Variants in CCDC148 observed in about 807,000 individuals in gnomAD.
The protein encoded by CCDC148 is coiled-coil domain-containing protein 148.
A neutral mutation model predicts 85.7 loss-of-function variants in CCDC148; 89 were observed. The observed-to-expected ratio is 1.04, with a 90% CI of 0.87 to 1.24. CCDC148 has a LOEUF of 1.24. CCDC148 is among the 50% of genes most tolerant of loss of function. The pLI, the probability that CCDC148 is intolerant of heterozygous loss-of-function variation, is 0.00. For missense variants in CCDC148, 692 were observed against 671.7 expected (o/e 1.03, Z -0.33); for synonymous variants, 230 against 213.9 (o/e 1.08, Z -0.66).
Position 158,454,556 on chromosome 2 carries a change from C to A in CCDC148, c.25+1859G>T, listed in dbSNP as rs1043437617. 2.0e-5 allele frequency among the ~76,000 whole-genome samples: 3 copies of A among 152,124 alleles called. No individual in the cohort carries two copies. In the East Asian group the frequency reaches 5.8e-4, roughly 29 times the overall value. ...TCATGGTGGATCCTTCAGTAGAGTA[C>A]GAGGCAAGATCATTTGCAGAAGTGC... On this transcript the variant is annotated intron_variant, in intron 1 of 13. Coordinates refer to ENST00000283233, the MANE Select transcript of CCDC148 (RefSeq NM_138803.4).
chr2:158,244,692 A>G (rs1688496457), intron 10 of CCDC148, among the ~76,000 whole-genome samples: 2 of 152,130 alleles, frequency 1.3e-5, no homozygotes, highest in South Asian at 4.1e-4. Context: ...TGATTAGGTC[A>G]GGACCACTTG....
intron 10 of CCDC148, among the ~76,000 whole-genome samples, chr2:158,229,018 A>G (rs1330665036): frequency 1.3e-5 from 2 of 151,660 alleles, no homozygotes; most frequent in African/African-American, 4.8e-5. Flanking sequence ...TACTTCAGTC[A>G]CAGCCTTCTC....
At chr2:158,234,362 T>C (rs1688000130) in intron 10 of CCDC148, among the ~76,000 whole-genome samples, 1 of 152,354 alleles carries the variant, frequency 6.6e-6, no homozygotes, top group Admixed American at 6.5e-5. Flanking sequence ...CAATTAAAAC[T>C]GTTTGCGTTT....
At chr2:158,442,477 T>C (rs973948895) in intron 1 of CCDC148, among the ~76,000 whole-genome samples, 2 of 152,204 alleles carry the variant, frequency 1.3e-5, no homozygotes, top group African/African-American at 2.4e-5. Flanking sequence ...GGAAATGTAC[T>C]GGGAGAAAAA....
At chr2:158,265,412 C>T (rs944059156) in intron 9 of CCDC148, among the ~76,000 whole-genome samples, 1 of 151,992 alleles carries the variant, frequency 6.6e-6, no homozygotes, top group African/African-American at 2.4e-5. Context: ...TTTTTTCATA[C>T]GTGTGACTCC....
intron 1 of CCDC148, among the ~76,000 whole-genome samples, chr2:158,447,847 C>T (rs1457714938): frequency 1.3e-5 from 2 of 152,026 alleles, no homozygotes; most frequent in Non-Finnish European, 2.9e-5. Flanking sequence ...TTTGTCTTTT[C>T]ACTTTCTTAC....
intron 1 of CCDC148, among the ~76,000 whole-genome samples, chr2:158,400,641 G>C (rs1350741761): frequency 6.6e-6 from 1 of 152,134 alleles, no homozygotes; most frequent in Non-Finnish European, 1.5e-5. Flanking sequence ...TCAGGACATA[G>C]GTATGGGGAA....
chr2:158,241,505 C>T (rs1443865939), intron 10 of CCDC148, among the ~76,000 whole-genome samples: 1 of 152,020 alleles, frequency 6.6e-6, no homozygotes, highest in Non-Finnish European at 1.5e-5. Context: ...TGGATGATCT[C>T]TTATAATTGC....
At chr2:158,359,438 C>G (rs377717631) in intron 1 of CCDC148, among the ~76,000 whole-genome samples, 1 of 152,136 alleles carries the variant, frequency 6.6e-6, no homozygotes, top group African/African-American at 2.4e-5. Context: ...CCAGCTAGAT[C>G]GATGCAGAAG....
intron 9 of CCDC148, among the ~76,000 whole-genome samples, chr2:158,285,349 T>C (rs1329434775): frequency 2.7e-5 from 4 of 149,122 alleles, no homozygotes; most frequent in Admixed American, 6.7e-5. Flanking sequence ...AGCTAAAGAA[T>C]TGATAATCTG....
intron 2 of CCDC148, 94 bp from the exon 3 acceptor site, chr2:158,345,412 T>G (rs948422599): frequency 6.4e-6 from 5 of 785,408 alleles, no homozygotes; most frequent in Non-Finnish European, 8.0e-6. Flanking sequence ...CTAAGTTAAA[T>G]AGTTTCTCTT....
intron 9 of CCDC148, among the ~76,000 whole-genome samples, chr2:158,281,511 A>G (rs1370032075): frequency 6.6e-6 from 1 of 152,004 alleles, no homozygotes; most frequent in Non-Finnish European, 1.5e-5. Flanking sequence ...CTACGCAAAT[A>G]AACTAGAAAA....
At chr2:158,207,572 C>T (rs1057338030) in intron 11 of CCDC148, 1 of 152,144 alleles carries the variant, frequency 6.6e-6, no homozygotes, top group East Asian at 1.9e-4. Context: ...CAAATGTTTA[C>T]CTTTTGGGGT....
chr2:158,202,560 G>A (rs571732000), intron 11 of CCDC148, among the ~76,000 whole-genome samples: 1 of 152,130 alleles, frequency 6.6e-6, no homozygotes, highest in Non-Finnish European at 1.5e-5. Flanking sequence ...TTGTGGAAAC[G>A]GTGCCAAATA....
chr2:158,393,021 G>C (rs1685378702), intron 1 of CCDC148, among the ~76,000 whole-genome samples: 1 of 151,904 alleles, frequency 6.6e-6, no homozygotes, highest in Non-Finnish European at 1.5e-5. Flanking sequence ...ATATATTTAA[G>C]ATACTTGTCC....
At chr2:158,355,498 A>G (rs556595708) in intron 2 of CCDC148, among the ~76,000 whole-genome samples, 1 of 150,748 alleles carries the variant, frequency 6.6e-6, no homozygotes, top group Admixed American at 6.6e-5. Flanking sequence ...AAGAGAATAA[A>G]ATACCTAGGA....
At chr2:158,333,220 G>T (rs1056388653) in intron 7 of CCDC148, among the ~76,000 whole-genome samples, 5 of 152,152 alleles carry the variant, frequency 3.3e-5, no homozygotes, top group African/African-American at 1.2e-4. Flanking sequence ...GGTAAATTGT[G>T]TCTTTGTTCT....
Position 158,186,406 on chromosome 2 carries a change from T to TA in CCDC148, c.1371-7411dup, listed in dbSNP as rs139616426. Among the ~76,000 whole-genome samples, 59 of 152,210 alleles carry TA rather than the reference T, an allele frequency of 3.9e-4. 1 individual carries two copies. In the East Asian group the frequency reaches 0.011, roughly 28 times the overall value. ...TCATGGCATAGACTTAGAAAGGCTG[T>TA]ATGCTGCACAAGTCTAGGAAGCGTC... is the stretch of plus-strand genomic sequence containing the variant. On this transcript the variant is annotated intron_variant, in intron 11 of 13. Transcript: ENST00000283233.
chr2:158,213,043 G>C (rs1463136743), intron 11 of CCDC148, among the ~76,000 whole-genome samples: 1 of 152,188 alleles, frequency 6.6e-6, no homozygotes, highest in African/African-American at 2.4e-5. Context: ...AAATGTGGGG[G>C]TCAGAATTTT....
Sources: gnomAD v4.1 joint callset for allele counts (sites outside exome capture counted in the v4.1 genomes callset) on GRCh38, gnomAD v4.1.1 for gene constraint, MANE v1.5 for transcripts, NCBI Gene and HGNC (gene_info 2026-07-23, HGNC 2026-07-21) for gene names.